Variants in NKAIN2 observed in about 807,000 individuals in gnomAD.
The protein encoded by NKAIN2 is sodium/potassium transporting ATPase interacting 2.
NKAIN2 carries 14 observed loss-of-function variants against 32.6 expected under a neutral mutation model. The observed-to-expected ratio is 0.43, with a 90% CI of 0.28 to 0.67. NKAIN2 has a LOEUF of 0.67. NKAIN2 is among the 30% of genes least tolerant of loss of function. NKAIN2 has a pLI of 0.17. For synonymous variants in NKAIN2, 80 were observed against 87.2 expected, an observed-to-expected ratio of 0.92 and a Z score of 0.46; for missense variants, 198 against 258.3, an observed-to-expected ratio of 0.77 and a Z score of 1.60.
chr6:124,328,497 G>GT (rs1412499111), intron 2 of NKAIN2, among the ~76,000 whole-genome samples: 2 of 152,150 alleles, frequency 1.3e-5, no homozygotes, highest in Non-Finnish European at 2.9e-5. Flanking sequence ...TTCCACACAT[G>GT]TATCAGCTAC....
At chr6:123,951,579 C>T (rs1157886260) in intron 1 of NKAIN2, among the ~76,000 whole-genome samples, 1 of 151,716 alleles carries the variant, frequency 6.6e-6, no homozygotes, top group Non-Finnish European at 1.5e-5. Flanking sequence ...ATAGTTACTC[C>T]TCTTTGCTTT....
chr6:124,176,041 A>G (rs1789139429), intron 1 of NKAIN2, among the ~76,000 whole-genome samples: 1 of 152,228 alleles, frequency 6.6e-6, no homozygotes, highest in African/African-American at 2.4e-5. Context: ...GCTCCAGACT[A>G]TCACAATAAA....
intron 1 of NKAIN2, among the ~76,000 whole-genome samples, chr6:124,053,319 A>G (rs1028497361): frequency 1.3e-5 from 2 of 152,018 alleles, no homozygotes; most frequent in African/African-American, 4.8e-5. Context: ...CTAGAGGAGA[A>G]AGCTCACAGC....
chr6:124,038,406 G>T (rs1401899275), intron 1 of NKAIN2, among the ~76,000 whole-genome samples: 1 of 151,900 alleles, frequency 6.6e-6, no homozygotes, highest in Non-Finnish European at 1.5e-5. Context: ...GTAGAGACAG[G>T]GTTTCACCAT....
intron 1 of NKAIN2, among the ~76,000 whole-genome samples, chr6:124,112,861 G>T (rs1050038310): frequency 1.3e-5 from 2 of 151,160 alleles, no homozygotes; most frequent in African/African-American, 4.9e-5. Context: ...AACCCCTTTA[G>T]TGCATTTTTC....
intron 2 of NKAIN2, among the ~76,000 whole-genome samples, chr6:124,298,093 A>G (rs1048007751): frequency 1.3e-5 from 2 of 152,202 alleles, no homozygotes; most frequent in Non-Finnish European, 2.9e-5. Context: ...CTATTTCAAC[A>G]TGATCCTTGG....
At chr6:124,405,089 C>A (rs1773790485) in intron 3 of NKAIN2, among the ~76,000 whole-genome samples, 2 of 152,138 alleles carry the variant, frequency 1.3e-5, no homozygotes, top group Admixed American at 6.5e-5. Flanking sequence ...CTACTTTTGA[C>A]AACTTACCTG....
At chr6:124,032,741 TA>T (rs1294474378) in intron 1 of NKAIN2, among the ~76,000 whole-genome samples, 1 of 151,986 alleles carries the variant, frequency 6.6e-6, no homozygotes, top group Non-Finnish European at 1.5e-5. Context: ...TTTTTCCAAT[TA>T]AAAAAATTAA....
intron 1 of NKAIN2, among the ~76,000 whole-genome samples, chr6:123,809,407 T>G (rs986441034): frequency 6.6e-6 from 1 of 152,106 alleles, no homozygotes; most frequent in African/African-American, 2.4e-5. Flanking sequence ...GGAAATAAAA[T>G]TATATGAAGC....
At chr6:124,713,123 CA>C (rs551127673) in intron 4 of NKAIN2, among the ~76,000 whole-genome samples, 10 of 151,870 alleles carry the variant, frequency 6.6e-5, no homozygotes, top group South Asian at 2.1e-4. Flanking sequence ...TAAAGCACCA[CA>C]AAAAAATAAC....
intron 1 of NKAIN2, among the ~76,000 whole-genome samples, chr6:124,140,615 C>T (rs1787086766): frequency 6.6e-6 from 1 of 152,154 alleles, no homozygotes; most frequent in African/African-American, 2.4e-5. Flanking sequence ...AGGGCTAGGA[C>T]ATCAGAATCT....
intron 2 of NKAIN2, among the ~76,000 whole-genome samples, chr6:124,345,607 C>T (rs577955580): frequency 6.6e-6 from 1 of 151,850 alleles, no homozygotes; most frequent in East Asian, 1.9e-4. Flanking sequence ...TCTAGATTTT[C>T]TAGTTTATTT....
intron 1 of NKAIN2, among the ~76,000 whole-genome samples, chr6:123,844,060 C>T (rs924564811): frequency 6.6e-6 from 1 of 152,096 alleles, no homozygotes; most frequent in Non-Finnish European, 1.5e-5. Context: ...ATGAGAAGGC[C>T]TCTGCCCTGC....
chr6:124,521,133 G>A (rs1779102659), intron 3 of NKAIN2, among the ~76,000 whole-genome samples: 1 of 151,856 alleles, frequency 6.6e-6, no homozygotes, highest in Non-Finnish European at 1.5e-5. Flanking sequence ...TGTTGTTGTT[G>A]CCTCATTGCA....
In NKAIN2 at chr6:124,355,784, T is replaced by A. The variant is rs6927349; in HGVS notation, c.273+437T>A. Among the ~76,000 whole-genome samples, 10 of 152,200 alleles carry A rather than the reference T, an allele frequency of 6.6e-5. No homozygotes were observed. In the East Asian group the frequency reaches 1.5e-3, roughly 24 times the overall value. ...GGTTGAATGAAATTGTTACTAGAGG[T>A]ATATAATATGTTATAGAAATGAATA... On this transcript the variant is annotated intron_variant, in intron 3 of 6. Transcript: ENST00000368417.
chr6:124,105,660 G>A (rs1785083732), intron 1 of NKAIN2, among the ~76,000 whole-genome samples: 1 of 152,162 alleles, frequency 6.6e-6, no homozygotes, highest in Non-Finnish European at 1.5e-5. Context: ...CATCTCCAGT[G>A]TTGTAAATGG....
At chr6:124,810,522 T>C (rs1174670558) in intron 5 of NKAIN2, among the ~76,000 whole-genome samples, 1 of 152,076 alleles carries the variant, frequency 6.6e-6, no homozygotes, top group Non-Finnish European at 1.5e-5. Flanking sequence ...TTGGGAGATA[T>C]ACCTAATGCT....
At chr6:124,389,187 T>C (rs1773038614) in intron 3 of NKAIN2, among the ~76,000 whole-genome samples, 1 of 152,114 alleles carries the variant, frequency 6.6e-6, no homozygotes, top group Non-Finnish European at 1.5e-5. Context: ...ATTCAGTGTT[T>C]GCTGTGACTT....
At chr6:124,315,373 T>A (rs1366373265) in intron 2 of NKAIN2, among the ~76,000 whole-genome samples, 1 of 152,108 alleles carries the variant, frequency 6.6e-6, no homozygotes, top group Non-Finnish European at 1.5e-5. Flanking sequence ...ATATAAATAG[T>A]TACAATGTCA....
Sources: allele counts gnomAD v4.1 joint callset (sites outside exome capture counted in the v4.1 genomes callset), GRCh38; gene constraint gnomAD v4.1.1; transcripts MANE v1.5; gene names NCBI Gene and HGNC (gene_info 2026-07-23, HGNC 2026-07-21).